Variants in NOB1 observed in about 807,000 individuals in gnomAD.
NOB1 encodes the protein NIN1 (RPN12) binding protein 1 homolog.
NOB1 carries 44 observed loss-of-function variants against 44.8 expected under a neutral mutation model. That is an observed-to-expected ratio of 0.98 (90% confidence interval 0.77 to 1.26). The LOEUF (loss-of-function observed/expected upper bound fraction) is 1.26, where lower values mean the gene tolerates loss of function less well. NOB1 is among the 50% of genes most tolerant of loss of function. NOB1 has a pLI of 0.00. For synonymous variants in NOB1, 238 were observed against 218.7 expected, an observed-to-expected ratio of 1.09 and a Z score of -0.78; for missense variants, 560 against 544.8, an observed-to-expected ratio of 1.03 and a Z score of -0.28.
chr16:69,748,276 A>G lies in NOB1; in HGVS notation c.780T>C (p.Ile260=). ...LHVLAVNGML[I]REARSYILRC... ...GCAAGATGTAGCTCCGGGCCTCACG[A>G]ATCAGCATGCCGTTCACCGCCAGCA... Residue 260 remains isoleucine, a synonymous_variant, in exon 7 of 9, where the codon ATT becomes ATC. Transcript: ENST00000268802. The G allele has an allele frequency of 6.2e-7, 1 of 1,614,140 alleles. No individual in the cohort carries two copies. Among genetic ancestry groups the G allele is most frequent in the Non-Finnish European group, 8.5e-7 (1 of 1,179,966 alleles).
Position 69,744,777 on chromosome 16 carries a change from C to T in NOB1, c.969+96G>A. ...TACCTAGGTCACAGGCTTTCAATCG[C>T]CCATCTTGCAGAAACGACTAGACTA... On this transcript the variant is annotated intron_variant, in intron 8 of 8. Transcript: ENST00000268802. 6 of 1,395,354 alleles carry T rather than the reference C, an allele frequency of 4.3e-6. No homozygotes were observed. The South Asian group carries it at 6.6e-5, about 15-fold the overall frequency. The allele number at this position is 1,395,354 out of a possible 1,614,324, so 86.4% of individuals were successfully genotyped here.
chr16:69,746,405 G>A (rs900157993), intron 7 of NOB1, among the ~76,000 whole-genome samples: 14 of 152,220 alleles, frequency 9.2e-5, no homozygotes, highest in South Asian at 2.1e-4. Context: ...CCTACCAGGC[G>A]GTTTCCAAGG....
At chr16:69,744,798 G>A in intron 8 of NOB1, 75 bp downstream of exon 8, 1 of 1,520,580 alleles carries the variant, frequency 6.6e-7, no homozygotes, top group Non-Finnish European at 8.9e-7. Context: ...GAAACGACTA[G>A]ACTAGGTTTT....
chr16:69,745,078 A>C, intron 7 of NOB1, 61 bp from the exon 8 acceptor site: 1 of 1,587,432 alleles, frequency 6.3e-7, no homozygotes, highest in Non-Finnish European at 8.6e-7. Flanking sequence ...GCCTCCCCAG[A>C]GCACAAGGTG....
At chr16:69,744,680 A>G (rs1597614597) in intron 8 of NOB1, among the ~76,000 whole-genome samples, 193 bp downstream of exon 8, 1 of 152,148 alleles carries the variant, frequency 6.6e-6, no homozygotes, top group East Asian at 1.9e-4. Context: ...AGCCTTTCAC[A>G]ACTACTGCCT....
chr16:69,754,895 GCT>G lies in NOB1; in HGVS notation c.14_15del (p.Glu5AlafsTer31), dbSNP rs1567645258. The G allele has an allele frequency of 1.3e-6, 2 of 1,591,758 alleles. No homozygotes were observed. The highest frequency in any genetic ancestry group is 2.3e-5 in the South Asian group (2 of 88,556). On this transcript the variant is annotated frameshift_variant, in exon 1 of 9. Transcript: ENST00000268802. LOFTEE classifies it high-confidence loss of function. ...AAAGCCCCAGCATCCGCCACAACGT[GCT>G]CCACTGGAGCCATGTTGGCTGCGTG... MAPV[E>X]HVVADAGAFL... is the part of the protein sequence containing the mutation.
rs1421005354 is a variant in NOB1, at chr16:69,754,687, T to G, written c.103A>C (p.Thr35Pro). ...CGTGTGGCCTTGTCCCGAATCTCAGTGACCACCTCCCGGATGGTGTAAATG... is the reference window on the plus strand; with the variant it reads ...CGTGTGGCCTTGTCCCGAATCTCAGGGACCACCTCCCGGATGGTGTAAATG... Reference protein sequence around the residue: ...KNIYTIREVVTEIRDKATRRR... With the variant: ...KNIYTIREVVPEIRDKATRRR... The change falls in exon 2 of 9, where the codon ACT becomes CCT. Residue 35 changes from threonine (T) to proline (P), a missense_variant. Physicochemically the swap from Thr to Pro is conservative, Grantham distance 38. Coordinates refer to ENST00000268802, the MANE Select transcript of NOB1 (RefSeq NM_014062.3). 6.2e-7 allele frequency: 1 copy of G among 1,614,218 alleles called. No individual in the cohort carries two copies.
chr16:69,742,328 C>T lies in NOB1; in HGVS notation c.*4G>A, dbSNP rs1252797689. 6.2e-7 allele frequency: 1 copy of T among 1,610,110 alleles called. No homozygotes were observed. Among genetic ancestry groups the T allele is most frequent in the South Asian group, 1.1e-5 (1 of 90,962 alleles). ...CATCCAATTTGCCTGCGGGAACTCG[C>T]TCTTCACCTTTTCTTCACAAACTTC... On this transcript the variant is annotated 3_prime_UTR_variant, in exon 9 of 9. Transcript: ENST00000268802.
Position 69,742,207 on chromosome 16 carries a change from C to T in NOB1, c.*125G>A, listed in dbSNP as rs926547918. Reference sequence around the variant, plus strand: ...CCAGCGGGGCATGGGCGGACAGAGCCGCACCGTGAAGCCCGCCTGTTATTT... The same window carrying T: ...CCAGCGGGGCATGGGCGGACAGAGCTGCACCGTGAAGCCCGCCTGTTATTT... On this transcript the variant is annotated 3_prime_UTR_variant, in exon 9 of 9. Coordinates refer to ENST00000268802, the MANE Select transcript of NOB1 (RefSeq NM_014062.3). The T allele has an allele frequency of 1.4e-5, 18 of 1,267,190 alleles. No homozygotes were observed. The highest frequency in any genetic ancestry group is 2.6e-4 in the Middle Eastern group (1 of 3,822). The allele number at this position is 1,267,190 out of a possible 1,614,324, so 78.5% of individuals were successfully genotyped here. A position where few individuals can be genotyped will look rare whatever the true frequency, so the allele number is the denominator to read the frequency against.
chr16:69,750,106 C>T lies in NOB1; in HGVS notation c.328-476G>A, dbSNP rs1041472031. Among the ~76,000 whole-genome samples, 3 of 148,914 alleles carry T rather than the reference C, an allele frequency of 2.0e-5. No individual in the cohort carries two copies. In the Admixed American group the frequency reaches 2.0e-4, roughly 10 times the overall value. ...CTAACCTCCGACTCCCAGGTTCAAG[C>T]GATTCTCATGCTTCAGCCTCCCAAG... On this transcript the variant is annotated intron_variant, in intron 3 of 8. Coordinates refer to ENST00000268802, the MANE Select transcript of NOB1 (RefSeq NM_014062.3).
At chr16:69,747,818 G>A (rs1189666395) in intron 7 of NOB1, among the ~76,000 whole-genome samples, 1 of 152,122 alleles carries the variant, frequency 6.6e-6, no homozygotes, top group East Asian at 1.9e-4. Context: ...TGAGGTGGAA[G>A]AAACACACAT....
intron 7 of NOB1, among the ~76,000 whole-genome samples, chr16:69,747,222 C>CAAAAAAAAAAAAAAAA (rs35257586): frequency 1.3e-5 from 1 of 78,604 alleles, no homozygotes; most frequent in Non-Finnish European, 2.3e-5. Flanking sequence ...ACCCTGTCTC[C>CAAAAAAAAAAAAAAAA]AAAAAAAAAA....
At chr16:69,751,559 A>C (rs2038482851) in intron 3 of NOB1, among the ~76,000 whole-genome samples, 1 of 152,158 alleles carries the variant, frequency 6.6e-6, no homozygotes, top group African/African-American at 2.4e-5. Flanking sequence ...TATGAACCTC[A>C]TTGGGATCCT....
chr16:69,754,746 G>T lies in NOB1; in HGVS notation c.64-20C>A, dbSNP rs767981623. ...GATGTCCTGCGGACAGAACGCCCCAGCTCAGACCCACCCGCACCAAGCAAC... is the reference window on the plus strand; with the variant it reads ...GATGTCCTGCGGACAGAACGCCCCATCTCAGACCCACCCGCACCAAGCAAC... On this transcript the variant is annotated intron_variant, in intron 1 of 8. Transcript: ENST00000268802. 17 of 1,613,850 alleles carry T rather than the reference G, an allele frequency of 1.1e-5. No homozygotes were observed. The highest frequency in any genetic ancestry group is 1.3e-5 in the Non-Finnish European group (15 of 1,179,984).
At chr16:69,748,877 G>A (rs371760628) in intron 6 of NOB1, 41 bp downstream of exon 6, 9 of 1,506,614 alleles carry the variant, frequency 6.0e-6, no homozygotes, top group African/African-American at 4.1e-5. Flanking sequence ...GACCACTGCC[G>A]ATGACGTGTG....
intron 2 of NOB1, 109 bp from the exon 3 acceptor site, chr16:69,752,480 T>A: frequency 8.8e-7 from 1 of 1,130,396 alleles, no homozygotes. Flanking sequence ...AATGGAAGTA[T>A]CAAAACAATT....
At position 69,754,613 on chromosome 16, in the gene NOB1, T is replaced by C. The variant is rs2038509544; in HGVS notation, c.177A>G (p.Leu59=). Residue 59 remains leucine (L), a synonymous_variant, in exon 2 of 9, where the codon TTA becomes TTG. Transcript: ENST00000268802. ...LPYELRFKEP[L]PEYVRLVTEF... is the part of the protein sequence containing the mutation. ...ACTCACCCAGCCGCACGTATTCCGGTAAGGGCTCCTTGAACCGCAGCTCGT... is the reference window on the plus strand; with the variant it reads ...ACTCACCCAGCCGCACGTATTCCGGCAAGGGCTCCTTGAACCGCAGCTCGT... The C allele has an allele frequency of 1.2e-6, 2 of 1,614,156 alleles. No individual in the cohort carries two copies. Among genetic ancestry groups the C allele is most frequent in the Non-Finnish European group, 1.7e-6 (2 of 1,180,042 alleles).
chr16:69,751,881 G>T (rs975906181), intron 3 of NOB1, among the ~76,000 whole-genome samples: 1 of 152,146 alleles, frequency 6.6e-6, no homozygotes, highest in South Asian at 2.1e-4. Context: ...GACCAACATG[G>T]CGAAACCCCG....
chr16:69,745,841 A>G (rs1402602292), intron 7 of NOB1, among the ~76,000 whole-genome samples: 2 of 152,210 alleles, frequency 1.3e-5, no homozygotes, highest in Non-Finnish European at 2.9e-5. Context: ...ACCTCATAAC[A>G]AGTGTTGGGA....
Sources: gnomAD v4.1 joint callset for allele counts (sites outside exome capture counted in the v4.1 genomes callset) on GRCh38, gnomAD v4.1.1 for gene constraint, MANE v1.5 for transcripts, NCBI Gene and HGNC (gene_info 2026-07-23, HGNC 2026-07-21) for gene names.